Variants in CUX1 observed in about 807,000 individuals in gnomAD.
CUX1 encodes the protein cut like homeobox 1, also known as protein CASP.
In CUX1, 31 loss-of-function variants were observed where a neutral mutation model predicts 158.8. The observed-to-expected ratio is 0.20, with a 90% confidence interval of 0.15 to 0.26. CUX1 has a LOEUF of 0.26. CUX1 is among the 10% of genes least tolerant of loss of function. The probability of loss-of-function intolerance (pLI) is 1.00; values close to 1 mark genes in which losing one functional copy is unlikely to be tolerated. For missense variants in CUX1, 1,589 were observed against 2,014.6 expected (o/e 0.79, Z 4.04); for synonymous variants, 879 against 862.1 (o/e 1.02, Z -0.34).
chr7:101,966,243 T>G (rs973329563), intron 2 of CUX1, among the ~76,000 whole-genome samples: 2 of 151,870 alleles, frequency 1.3e-5, no homozygotes, highest in African/African-American at 4.8e-5. Flanking sequence ...TTTTTGTATT[T>G]TTTGTAGAGG....
intron 2 of CUX1, among the ~76,000 whole-genome samples, chr7:102,007,536 C>A (rs952698832): frequency 5.9e-5 from 9 of 151,690 alleles, no homozygotes; most frequent in Non-Finnish European, 1.3e-4. Context: ...TCTTCACCAC[C>A]AGATCAGTTC....
intron 3 of CUX1, among the ~76,000 whole-genome samples, chr7:102,042,430 C>T (rs1490715606): frequency 2.0e-5 from 3 of 152,216 alleles, no homozygotes; most frequent in African/African-American, 7.2e-5. Context: ...ACTCTCTCTG[C>T]CCACTCAGTC....
At chr7:102,138,503 C>T (rs1297655614) in intron 8 of CUX1, among the ~76,000 whole-genome samples, 1 of 152,190 alleles carries the variant, frequency 6.6e-6, no homozygotes, top group Non-Finnish European at 1.5e-5. Context: ...AACTGAAATT[C>T]ACTTTCTGAT....
In CUX1 at chr7:102,277,948, G is replaced by A; in HGVS notation, c.1564-1G>A. 2 of 877,224 alleles carry A rather than the reference G, an allele frequency of 2.3e-6. No homozygotes were observed. Among genetic ancestry groups the A allele is most frequent in the Admixed American group, 3.1e-5 (1 of 32,504 alleles). 54.3% of individuals were successfully genotyped at this position (877,224 alleles called of 1,614,324 possible). On this transcript the variant is annotated splice_acceptor_variant, in intron 17 of 22. Transcript: ENST00000292538. LOFTEE classifies it high-confidence loss of function. ...CCCTTTCCTTGCCCCTCCCCCCCCA[G>A]GAGAACCGCCTGGCCCAGCACACCC...
chr7:101,834,025 C>T (rs1195196180), intron 1 of CUX1, among the ~76,000 whole-genome samples: 1 of 152,066 alleles, frequency 6.6e-6, no homozygotes, highest in African/African-American at 2.4e-5. Context: ...CTTTCCTTAT[C>T]CCCAGACTTC....
chr7:102,229,099 C>A (rs1798667493), intron 21 of CUX1, among the ~76,000 whole-genome samples: 1 of 152,174 alleles, frequency 6.6e-6, no homozygotes, highest in African/African-American at 2.4e-5. Flanking sequence ...CCTTGCGAAG[C>A]CATCTCCATT....
chr7:102,105,000 G>A (rs140854396), intron 6 of CUX1, among the ~76,000 whole-genome samples: 171 of 152,276 alleles, frequency 1.1e-3, no homozygotes, highest in South Asian at 5.6e-3. Flanking sequence ...TATCCAAGCC[G>A]TGCAGGTGCA....
At chr7:102,011,947 T>C (rs1042228086) in intron 2 of CUX1, among the ~76,000 whole-genome samples, 2 of 152,038 alleles carry the variant, frequency 1.3e-5, no homozygotes, top group Non-Finnish European at 2.9e-5. Context: ...TAGCTAGGAT[T>C]ACAGGCGCCC....
At chr7:102,029,334 A>G (rs1326638403) in intron 3 of CUX1, among the ~76,000 whole-genome samples, 1 of 152,112 alleles carries the variant, frequency 6.6e-6, no homozygotes, top group Non-Finnish European at 1.5e-5. Flanking sequence ...CAGGGAACAC[A>G]TGGGGGAAGG....
chr7:102,043,434 A>G (rs565798979), intron 3 of CUX1, among the ~76,000 whole-genome samples: 1 of 151,796 alleles, frequency 6.6e-6, no homozygotes, highest in Admixed American at 6.6e-5. Context: ...ATTATTAACT[A>G]TAGTCACCAT....
chr7:102,158,722 G>C (rs1022745664), intron 9 of CUX1, 114 bp downstream of exon 9: 1 of 976,062 alleles, frequency 1.0e-6, no homozygotes. Context: ...ATTTTTTACT[G>C]ACAGCTTTCA....
intron 8 of CUX1, among the ~76,000 whole-genome samples, chr7:102,156,901 C>CA (rs1789823753): frequency 6.6e-6 from 1 of 152,212 alleles, no homozygotes; most frequent in Admixed American, 6.5e-5. Context: ...ACAGCGTGGG[C>CA]ACCCAGTGAA....
At chr7:101,816,009 C>T, upstream of CUX1, 1 of 1,410,848 alleles carries the variant, frequency 7.1e-7, no homozygotes, top group Non-Finnish European at 9.5e-7. Flanking sequence ...CAGCCGCTCA[C>T]TCCGTCTCAA....
intron 6 of CUX1, 135 bp from the exon 7 acceptor site, chr7:102,111,563 C>A: frequency 1.4e-6 from 1 of 727,570 alleles, no homozygotes; most frequent in South Asian, 1.7e-5. Context: ...GCACACGTGT[C>A]GTTGCGGGCG....
chr7:101,877,327 A>G (rs1401003514), intron 1 of CUX1, among the ~76,000 whole-genome samples: 1 of 152,168 alleles, frequency 6.6e-6, no homozygotes, highest in Non-Finnish European at 1.5e-5. Context: ...TACCAGTGTC[A>G]CCCTCCTTTG....
chr7:101,883,308 T>A (rs1799904778), intron 1 of CUX1, among the ~76,000 whole-genome samples: 7 of 152,236 alleles, frequency 4.6e-5, no homozygotes, highest in Admixed American at 3.9e-4. Flanking sequence ...TGCCAGTGAT[T>A]TCTGTTTACA....
chr7:101,874,661 G>T (rs926738165), intron 1 of CUX1, among the ~76,000 whole-genome samples: 6 of 152,198 alleles, frequency 3.9e-5, no homozygotes, highest in Non-Finnish European at 8.8e-5. Context: ...GGCCCGGTCT[G>T]ACCCCGAGGT....
chr7:102,036,763 A>G lies in CUX1; in HGVS notation c.189+8618A>G, dbSNP rs969714463. On this transcript the variant is annotated intron_variant, in intron 3 of 23. Transcript: ENST00000292535. The stretch of plus-strand genomic sequence containing the variant: ...TCTCAAAAAAACAAGCAAACAAACA[A>G]AAAAAAAAAAAAACACCGGAATCTG... 6.0e-5 allele frequency among the ~76,000 whole-genome samples: 9 copies of G among 149,304 alleles called. No homozygotes were observed. In the Middle Eastern group the frequency reaches 0.01, roughly 173 times the overall value.
chr7:102,089,662 C>T (rs1224195708), intron 4 of CUX1, among the ~76,000 whole-genome samples: 1 of 152,236 alleles, frequency 6.6e-6, no homozygotes, highest in Non-Finnish European at 1.5e-5. Context: ...ACTTTCCTTT[C>T]TATTCTTGCC....
Sources: allele counts gnomAD v4.1 joint callset (sites outside exome capture counted in the v4.1 genomes callset), GRCh38; gene constraint gnomAD v4.1.1; transcripts MANE v1.5; gene names NCBI Gene and HGNC (gene_info 2026-07-23, HGNC 2026-07-21).